The following NPSR1 variants were observed in gnomAD, a reference collection of about 807,000 sequenced individuals.
NPSR1 encodes neuropeptide S receptor.
In NPSR1, 48 loss-of-function variants were observed where a neutral mutation model predicts 46.9. The observed-to-expected ratio is 1.02, with a 90% confidence interval of 0.81 to 1.30. The LOEUF is 1.30. Ranked by LOEUF, NPSR1 falls within the 50% of genes most tolerant of loss-of-function variation. NPSR1 has a pLI of 0.00. For synonymous variants in NPSR1, 176 were observed against 168.1 expected (o/e 1.05, Z -0.36); for missense variants, 450 against 449.5 (o/e 1.00, Z -0.01).
chr7:34,849,377 G>A, intron 8 of NPSR1, 188 bp from the exon 9 acceptor site: 1 of 1,552,528 alleles, frequency 6.4e-7, no homozygotes, highest in Non-Finnish European at 8.7e-7. Flanking sequence ...TCTGGGCTCT[G>A]GTGCTGACCA....
chr7:34,779,214 T>TTACATATG (rs1228887925), intron 3 of NPSR1, among the ~76,000 whole-genome samples: 3 of 151,944 alleles, frequency 2.0e-5, no homozygotes, highest in Non-Finnish European at 4.4e-5. Context: ...ATATACATAT[T>TTACATATG]TACATATATA....
intron 2 of NPSR1, among the ~76,000 whole-genome samples, chr7:34,699,224 A>T (rs942976365): frequency 2.0e-5 from 3 of 152,164 alleles, no homozygotes; most frequent in Non-Finnish European, 4.4e-5. Flanking sequence ...TCACGCCTAT[A>T]ATCCCAGCAC....
rs324385 is a variant in NPSR1 at position 34,741,912 on chromosome 7, C to T, written c.281-36550C>T. Among the ~76,000 whole-genome samples the T allele has an allele frequency of 7.1e-3, 1,075 of 152,252 alleles. 12 individuals are homozygous for T. The highest frequency in any genetic ancestry group is 0.024 in the African/African-American group (1,017 of 41,548). On this transcript the variant is annotated intron_variant, in intron 2 of 8. Transcript: ENST00000360581. ...TTGTTGTTAGTTTTTCACTGTGTTTCCTAGTTCTGTGAAAGTTGATTCTAC... is the reference window on the plus strand; with the variant it reads ...TTGTTGTTAGTTTTTCACTGTGTTTTCTAGTTCTGTGAAAGTTGATTCTAC...
At chr7:34,819,821 A>G (rs1025217144) in intron 4 of NPSR1, among the ~76,000 whole-genome samples, 7 of 152,250 alleles carry the variant, frequency 4.6e-5, no homozygotes, top group Non-Finnish European at 2.9e-5. Context: ...TGTCACAAAG[A>G]CAGAAAACCA....
At chr7:34,858,336 A>G (rs1791097945) in intron 8 of NPSR1, among the ~76,000 whole-genome samples, 1 of 151,844 alleles carries the variant, frequency 6.6e-6, no homozygotes, top group African/African-American at 2.4e-5. Flanking sequence ...TATTTCATAC[A>G]ATGGAATACT....
At chr7:34,836,063 G>T (rs912481320) in intron 6 of NPSR1, among the ~76,000 whole-genome samples, 2 of 152,288 alleles carry the variant, frequency 1.3e-5, no homozygotes, top group South Asian at 4.1e-4. Context: ...TGCTTAGGCT[G>T]CTTGGAAATT....
At chr7:34,873,480 T>C (rs1791503056) in intron 8 of NPSR1, among the ~76,000 whole-genome samples, 1 of 151,752 alleles carries the variant, frequency 6.6e-6, no homozygotes. Flanking sequence ...ACATGAAGCA[T>C]GGTGCTGGCA....
intron 8 of NPSR1, among the ~76,000 whole-genome samples, chr7:34,857,678 A>G (rs1356259338): frequency 1.3e-5 from 2 of 151,796 alleles, no homozygotes; most frequent in Non-Finnish European, 2.9e-5. Flanking sequence ...CACTGTACTC[A>G]TGAAGGAAAA....
intron 2 of NPSR1, among the ~76,000 whole-genome samples, chr7:34,721,818 G>T (rs1232338923): frequency 6.6e-6 from 1 of 152,068 alleles, no homozygotes; most frequent in Non-Finnish European, 1.5e-5. Context: ...ATAGTTAAAG[G>T]TGTTCCAGAA....
At chr7:34,795,573 T>C (rs1364823915) in intron 3 of NPSR1, among the ~76,000 whole-genome samples, 1 of 152,104 alleles carries the variant, frequency 6.6e-6, no homozygotes, top group Non-Finnish European at 1.5e-5. Context: ...TTACAGAATA[T>C]GTTAATATAC....
At chr7:34,701,275 A>G (rs1230382665) in intron 2 of NPSR1, among the ~76,000 whole-genome samples, 1 of 152,216 alleles carries the variant, frequency 6.6e-6, no homozygotes, top group Non-Finnish European at 1.5e-5. Context: ...ATTGCCATAT[A>G]TCCTCTCCCT....
chr7:34,768,280 C>T (rs1033341405), intron 2 of NPSR1: 5 of 152,152 alleles, frequency 3.3e-5, no homozygotes, highest in East Asian at 1.9e-4. Flanking sequence ...GCAAAAATAC[C>T]TGTTTAAAAT....
chr7:34,691,865 C>T (rs1292093592), intron 2 of NPSR1, among the ~76,000 whole-genome samples: 1 of 152,164 alleles, frequency 6.6e-6, no homozygotes, highest in African/African-American at 2.4e-5. Context: ...CTTGTAATCC[C>T]AGCACTTTGA....
At chr7:34,681,861 T>C (rs1458533) in intron 1 of NPSR1, among the ~76,000 whole-genome samples, 19,327 of 152,180 alleles carry the variant, frequency 0.13, 1,306 homozygotes, top group Middle Eastern at 0.17. Flanking sequence ...GGGATTGATA[T>C]AGACTGGGCT....
Position 34,827,583 on chromosome 7 carries a change from A to C in NPSR1, c.661A>C (p.Ile221Leu). ...MTIVAFLVYF[I>L]PLTIISIMYG... ...CATCGTGGCCTTCCTGGTGTACTTC[A>C]TCCCTCTGACAATCATCAGGTAAGA... Residue 221 changes from isoleucine (I) to leucine (L), a missense_variant, in exon 5 of 9, where the codon ATC becomes CTC. Physicochemically the swap from Ile to Leu is conservative, Grantham distance 5 (BLOSUM62 2). Transcript: ENST00000360581. 2 of 1,403,916 alleles carry C rather than the reference A, an allele frequency of 1.4e-6. No homozygotes were observed. The highest frequency in any genetic ancestry group is 1.9e-6 in the Non-Finnish European group (2 of 1,052,774). The allele number at this position is 1,403,916 out of a possible 1,614,324, so 87.0% of individuals were successfully genotyped here. A position where few individuals can be genotyped will look rare whatever the true frequency, so the allele number is the denominator to read the frequency against.
chr7:34,744,636 T>C (rs995485380), intron 2 of NPSR1, among the ~76,000 whole-genome samples: 1 of 152,334 alleles, frequency 6.6e-6, no homozygotes, highest in African/African-American at 2.4e-5. Flanking sequence ...AGTTGTCCCA[T>C]TGGGAATCCC....
intron 2 of NPSR1, among the ~76,000 whole-genome samples, chr7:34,748,792 C>T (rs542102414): frequency 3.3e-5 from 5 of 151,810 alleles, no homozygotes; most frequent in South Asian, 4.2e-4. Flanking sequence ...GTGGGATTGG[C>T]GGAAGGGGGC....
At chr7:34,666,491 C>T (rs1160335477) in intron 1 of NPSR1, among the ~76,000 whole-genome samples, 1 of 152,080 alleles carries the variant, frequency 6.6e-6, no homozygotes, top group African/African-American at 2.4e-5. Context: ...ATTCTGATGT[C>T]CCCCTGACTT....
chr7:34,724,619 A>T (rs1029772916), intron 2 of NPSR1, among the ~76,000 whole-genome samples: 5 of 152,076 alleles, frequency 3.3e-5, no homozygotes, highest in Admixed American at 3.3e-4. Flanking sequence ...GGAGTGGAGT[A>T]TCTGGTGGTC....
Sources: gnomAD v4.1 joint callset for allele counts (sites outside exome capture counted in the v4.1 genomes callset) on GRCh38, gnomAD v4.1.1 for gene constraint, MANE v1.5 for transcripts, NCBI Gene and HGNC (gene_info 2026-07-23, HGNC 2026-07-21) for gene names.